RELN: variants seen among roughly 807,000 people sequenced by gnomAD.
The protein encoded by RELN is reelin.
RELN carries 108 observed loss-of-function variants against 427.6 expected under a neutral mutation model. That is an observed-to-expected ratio of 0.25 (90% CI 0.22 to 0.30). The LOEUF (loss-of-function observed/expected upper bound fraction) is 0.30, where lower values mean the gene tolerates loss of function less well. Among genes scored for constraint, RELN ranks in the 10% least tolerant of loss-of-function variants. The probability of loss-of-function intolerance (pLI) is 1.00; values close to 1 mark genes in which losing one functional copy is unlikely to be tolerated. For missense variants in RELN, 3,715 were observed against 4,302.8 expected, an observed-to-expected ratio of 0.86 and a Z score of 3.82; for synonymous variants, 1,524 against 1,513.4, an observed-to-expected ratio of 1.01 and a Z score of -0.16.
chr7:103,755,622 A>AT (rs200624602), intron 4 of RELN, among the ~76,000 whole-genome samples: 1,067 of 66,522 alleles, frequency 0.016, 27 homozygotes, highest in African/African-American at 0.045. Context: ...AAAAAATAAA[A>AT]AAAATAAAAT....
At chr7:103,813,053 C>T (rs1003695932) in intron 3 of RELN, among the ~76,000 whole-genome samples, 1 of 152,106 alleles carries the variant, frequency 6.6e-6, no homozygotes, top group Admixed American at 6.6e-5. Flanking sequence ...CGTTTAGTAT[C>T]ATCTGAGAAC....
At chr7:103,515,777 A>C (rs2117077475) in intron 49 of RELN, among the ~76,000 whole-genome samples, 1 of 152,232 alleles carries the variant, frequency 6.6e-6, no homozygotes, top group South Asian at 2.1e-4. Flanking sequence ...TGGTAGACAT[A>C]AGCCAATGCT....
intron 6 of RELN, among the ~76,000 whole-genome samples, chr7:103,746,231 T>G (rs2116045858): frequency 6.6e-6 from 1 of 152,316 alleles, no homozygotes; most frequent in East Asian, 1.9e-4. Context: ...AAGCTGAAAC[T>G]GGATCCCTTC....
chr7:103,555,475 A>T (rs1369093747), intron 38 of RELN, among the ~76,000 whole-genome samples: 2 of 151,904 alleles, frequency 1.3e-5, no homozygotes, highest in African/African-American at 4.8e-5. Context: ...TTAGGTGAGC[A>T]CTCCAAACAT....
intron 2 of RELN, among the ~76,000 whole-genome samples, chr7:103,905,464 T>C (rs562297903): frequency 6.6e-6 from 1 of 152,216 alleles, no homozygotes; most frequent in East Asian, 1.9e-4. Context: ...TGTACACATA[T>C]ATGGACAAAT....
intron 1 of RELN, among the ~76,000 whole-genome samples, chr7:103,944,212 T>C (rs1269510149): frequency 6.6e-6 from 1 of 152,122 alleles, no homozygotes; most frequent in Non-Finnish European, 1.5e-5. Context: ...TAATAAACCA[T>C]AAGAATAAGA....
At chr7:103,476,717 G>C (rs757960340) in intron 64 of RELN, 1 of 417,760 alleles carries the variant, frequency 2.4e-6, no homozygotes, top group Non-Finnish European at 4.9e-6. Flanking sequence ...AACAGTTATT[G>C]TACCTTCTAA....
intron 19 of RELN, among the ~76,000 whole-genome samples, chr7:103,633,638 C>A (rs1342258375): frequency 6.6e-6 from 1 of 151,930 alleles, no homozygotes; most frequent in Non-Finnish European, 1.5e-5. Context: ...AAATGGCAGG[C>A]AAGATTAAAC....
intron 3 of RELN, among the ~76,000 whole-genome samples, chr7:103,827,202 CAT>C (rs1415042492): frequency 9.2e-5 from 14 of 151,816 alleles, no homozygotes; most frequent in Admixed American, 6.6e-4. Context: ...AAAATTTTCC[CAT>C]GTTAGTAAAG....
At chr7:103,527,237 AG>A (rs1333675950) in intron 46 of RELN, among the ~76,000 whole-genome samples, 1 of 152,208 alleles carries the variant, frequency 6.6e-6, no homozygotes, top group Non-Finnish European at 1.5e-5. Flanking sequence ...CGTGAGAAAA[AG>A]CCCTTTGAAA....
chr7:103,897,662 G>C (rs1325023492), intron 2 of RELN, among the ~76,000 whole-genome samples: 1 of 152,066 alleles, frequency 6.6e-6, no homozygotes, highest in Non-Finnish European at 1.5e-5. Flanking sequence ...AAAGGCACCT[G>C]TTAAAGATTG....
At chr7:103,571,657 A>G (rs902650031) in intron 31 of RELN, among the ~76,000 whole-genome samples, 1 of 152,208 alleles carries the variant, frequency 6.6e-6, no homozygotes, top group Non-Finnish European at 1.5e-5. Context: ...CTGGAAATAA[A>G]ATGAATTAAC....
At position 103,589,640 on chromosome 7, in the gene RELN, T is replaced by G; in HGVS notation, c.4101A>C (p.Glu1367Asp). The G allele has an allele frequency of 6.2e-7, 1 of 1,614,062 alleles. No homozygotes were observed. The highest frequency in any genetic ancestry group is 1.6e-4 in the Middle Eastern group (1 of 6,062). ...PTMYHTGDFEEWTRITIVIPR... is the reference protein window; with the variant it reads ...PTMYHTGDFEDWTRITIVIPR... Reference sequence around the variant, plus strand: ...GAATAACAATGGTGATTCTTGTCCATTCTTCAAAGTCCCCTGTGTGATACA... The same window carrying G: ...GAATAACAATGGTGATTCTTGTCCAGTCTTCAAAGTCCCCTGTGTGATACA... The change falls in exon 28 of 65, where the codon GAA becomes GAC. Residue 1367 changes from glutamate to aspartate, a missense_variant. Glu to Asp is a conservative substitution (Grantham distance 45, BLOSUM62 2). Transcript: ENST00000428762.
intron 22 of RELN, among the ~76,000 whole-genome samples, chr7:103,606,635 T>A (rs980467443): frequency 6.6e-6 from 1 of 152,158 alleles, no homozygotes; most frequent in Non-Finnish European, 1.5e-5. Flanking sequence ...TAATTTGAGA[T>A]TTTTTTACTT....
chr7:103,493,077 G>C (rs1440619231), intron 57 of RELN, among the ~76,000 whole-genome samples: 4 of 152,176 alleles, frequency 2.6e-5, no homozygotes, highest in Non-Finnish European at 5.9e-5. Flanking sequence ...GGTTTCTGTG[G>C]AATGATGTGC....
intron 3 of RELN, among the ~76,000 whole-genome samples, chr7:103,783,143 T>C (rs1028160521): frequency 2.7e-5 from 4 of 147,396 alleles, no homozygotes; most frequent in Non-Finnish European, 5.9e-5. Context: ...CAAATTACAG[T>C]ACTTTCTTTT....
intron 1 of RELN, among the ~76,000 whole-genome samples, chr7:103,945,417 C>T (rs1426731444): frequency 6.6e-6 from 1 of 152,176 alleles, no homozygotes; most frequent in Non-Finnish European, 1.5e-5. Context: ...CAGTTCTCAA[C>T]TGTAGTATTA....
intron 2 of RELN, among the ~76,000 whole-genome samples, chr7:103,857,412 C>A (rs1356007473): frequency 6.6e-6 from 1 of 152,168 alleles, no homozygotes; most frequent in Non-Finnish European, 1.5e-5. Flanking sequence ...AGTTGAATTG[C>A]CCTCTTTTAA....
intron 2 of RELN, among the ~76,000 whole-genome samples, chr7:103,858,684 C>T (rs190054598): frequency 7.9e-5 from 12 of 152,312 alleles, no homozygotes; most frequent in Non-Finnish European, 1.3e-4. Context: ...GCATCCTTTA[C>T]TGTACATCCC....
Sources: allele counts gnomAD v4.1 joint callset (sites outside exome capture counted in the v4.1 genomes callset), GRCh38; gene constraint gnomAD v4.1.1; transcripts MANE v1.5; gene names NCBI Gene and HGNC (gene_info 2026-07-23, HGNC 2026-07-21).